XRCC5: variants seen among roughly 807,000 people sequenced by gnomAD.
XRCC5 encodes the protein X-ray repair cross complementing 5.
A neutral mutation model predicts 95.7 loss-of-function variants in XRCC5; 12 were observed. The observed-to-expected ratio is 0.13, with a 90% CI of 0.08 to 0.20. XRCC5 has a LOEUF of 0.20. Among genes scored for constraint, XRCC5 ranks in the 10% least tolerant of loss-of-function variants. XRCC5 has a pLI of 1.00. For missense variants in XRCC5, 595 were observed against 873.9 expected, an observed-to-expected ratio of 0.68 and a Z score of 4.02; for synonymous variants, 281 against 290.3, an observed-to-expected ratio of 0.97 and a Z score of 0.33.
At chr2:216,174,930 G>T (rs207933) in intron 16 of XRCC5, 4 of 343,478 alleles carry the variant, frequency 1.2e-5, no homozygotes, top group African/African-American at 8.7e-5. Context: ...CACGTCTACC[G>T]CCAGATCCGT....
At chr2:216,190,203 A>G (rs1574431757) in intron 16 of XRCC5, 22 bp from the exon 17 acceptor site, 2 of 1,606,972 alleles carry the variant, frequency 1.2e-6, no homozygotes, top group Non-Finnish European at 1.7e-6. Flanking sequence ...AATCTAAGAA[A>G]ATTTGTTGTC....
intron 14 of XRCC5, 100 bp downstream of exon 14, chr2:216,148,376 A>T: frequency 8.9e-7 from 1 of 1,123,608 alleles, no homozygotes; most frequent in Non-Finnish European, 1.2e-6. Context: ...TATGGAATTT[A>T]AAAGGTGAGA....
At chr2:216,125,214 T>C in intron 6 of XRCC5, among the ~76,000 whole-genome samples, 1 of 149,136 alleles carries the variant, frequency 6.7e-6, no homozygotes, top group East Asian at 1.9e-4. Context: ...TTTTTTTTTT[T>C]GAGACAAAGT....
At chr2:216,187,819 ACACTCTCTCTCTCTCTCTCT>A (rs1209029597) in intron 16 of XRCC5, among the ~76,000 whole-genome samples, 1 of 50,972 alleles carries the variant, frequency 2.0e-5, no homozygotes, top group African/African-American at 8.8e-5. Context: ...ACACACACAC[ACACTCTCTCTCTCTCTCTCT>A]CTCTCTCTCT....
intron 1 of XRCC5, among the ~76,000 whole-genome samples, chr2:216,109,909 CTG>C (rs1696555967): frequency 6.6e-6 from 1 of 152,188 alleles, no homozygotes; most frequent in African/African-American, 2.4e-5. Context: ...GAGGGACTAT[CTG>C]TGACTAAAAT....
chr2:216,136,818 G>A (rs925991615), intron 10 of XRCC5, among the ~76,000 whole-genome samples: 4 of 152,118 alleles, frequency 2.6e-5, no homozygotes, highest in African/African-American at 9.7e-5. Context: ...TGTTTAGGAG[G>A]GCTGACATGA....
intron 10 of XRCC5, 137 bp downstream of exon 10, chr2:216,132,524 A>C (rs898493466): frequency 3.6e-6 from 3 of 842,956 alleles, no homozygotes; most frequent in Non-Finnish European, 3.8e-6. Flanking sequence ...CTGATGTTTA[A>C]CTGAAAATGG....
chr2:216,134,516 C>T (rs577401352), intron 10 of XRCC5, among the ~76,000 whole-genome samples: 57 of 151,544 alleles, frequency 3.8e-4, no homozygotes, highest in Non-Finnish European at 6.9e-4. Context: ...TAACCCCTGC[C>T]TCCCGGGTTC....
chr2:216,138,150 T>G lies in XRCC5; in HGVS notation c.1313T>G (p.Leu438Trp). The G allele has an allele frequency of 6.2e-7, 1 of 1,613,476 alleles. No homozygotes were observed. The highest frequency in any genetic ancestry group is 8.5e-7 in the Non-Finnish European group (1 of 1,179,960). Reference protein sequence around the residue: ...EDLRQYMFSSLKNSKKYAPTE... With the variant: ...EDLRQYMFSSWKNSKKYAPTE... ...TTGCGGCAATACATGTTTTCATCCT[T>G]GAAAAACAGTAAGAAATATGCTCCC... The change falls in exon 12 of 21, where the codon TTG becomes TGG. Residue 438 changes from leucine (L) to tryptophan (W), a missense_variant. Physicochemically the swap from Leu to Trp is moderately conservative, Grantham distance 61. Transcript: ENST00000392132.
At chr2:216,177,275 A>G (rs1294986634) in intron 16 of XRCC5, among the ~76,000 whole-genome samples, 1 of 152,216 alleles carries the variant, frequency 6.6e-6, no homozygotes, top group Non-Finnish European at 1.5e-5. Context: ...CGTTTTGAGT[A>G]TTGAAAGTTA....
intron 5 of XRCC5, 44 bp from the exon 6 acceptor site, chr2:216,122,018 G>C: frequency 2.6e-6 from 4 of 1,509,804 alleles, no homozygotes; most frequent in Non-Finnish European, 3.6e-6. Flanking sequence ...ATGAGTTACA[G>C]TTACAGGATT....
intron 14 of XRCC5, among the ~76,000 whole-genome samples, chr2:216,157,272 C>CA (rs1350473838): frequency 8.0e-5 from 12 of 150,686 alleles, no homozygotes; most frequent in African/African-American, 2.9e-4. Flanking sequence ...GTCACTCTGT[C>CA]ACCCAGGCTG....
chr2:216,167,448 C>T (rs779024360), intron 16 of XRCC5, among the ~76,000 whole-genome samples: 2 of 152,048 alleles, frequency 1.3e-5, no homozygotes, highest in East Asian at 3.9e-4. Flanking sequence ...ATAGCACTAT[C>T]CCATTTGCAT....
intron 6 of XRCC5, among the ~76,000 whole-genome samples, chr2:216,122,586 C>CTT (rs1044453575): frequency 1.4e-5 from 2 of 146,124 alleles, no homozygotes; most frequent in Admixed American, 6.8e-5. Context: ...TTTTTGGGCC[C>CTT]TTTTTTTTTT....
At chr2:216,112,916 A>G (rs2105998068) in intron 1 of XRCC5, 100 bp from the exon 2 acceptor site, 1 of 897,992 alleles carries the variant, frequency 1.1e-6, no homozygotes, top group East Asian at 2.4e-5. Context: ...ACCTTTCCTA[A>G]ATACTGATAC....
At chr2:216,191,413 CT>C (rs1243143534) in intron 17 of XRCC5, among the ~76,000 whole-genome samples, 91 of 145,670 alleles carry the variant, frequency 6.2e-4, no homozygotes, top group Middle Eastern at 3.6e-3. Flanking sequence ...TTTTCTTTTC[CT>C]TTTTTTTTTT....
intron 19 of XRCC5, among the ~76,000 whole-genome samples, chr2:216,197,476 C>G (rs894502533): frequency 1.4e-5 from 2 of 147,702 alleles, no homozygotes; most frequent in Non-Finnish European, 3.0e-5. Flanking sequence ...AAAGACAACT[C>G]TCAAAACTTC....
In XRCC5 at chr2:216,187,786, G is replaced by GACACACACACACACACACAC. The variant is rs149998611; in HGVS notation, c.1835-2422_1835-2403dup. On this transcript the variant is annotated intron_variant, in intron 16 of 20. Transcript: ENST00000392132. ...AGTATCTGTGATGCCATGAACTCCTGACACACACACACACACACACACACA... is the reference window on the plus strand; with the variant it reads ...AGTATCTGTGATGCCATGAACTCCTGACACACACACACACACACACACACACACACACACACACACACACA... 9.1e-4 allele frequency among the ~76,000 whole-genome samples: 59 copies of GACACACACACACACACACAC among 64,522 alleles called. 1 individual carries two copies. The highest frequency in any genetic ancestry group is 3.2e-3 in the African/African-American group (32 of 9,952). The allele number at this position is 64,522 out of a possible 152,430, so 42.3% of individuals were successfully genotyped here. A position where few individuals can be genotyped will look rare whatever the true frequency, so the allele number is the denominator to read the frequency against.
intron 16 of XRCC5, among the ~76,000 whole-genome samples, chr2:216,165,472 G>T (rs993300613): frequency 6.6e-6 from 1 of 152,302 alleles, no homozygotes; most frequent in South Asian, 2.1e-4. Context: ...CTTGGCTTCC[G>T]TTTTATCCCT....
Sources: allele counts gnomAD v4.1 joint callset (sites outside exome capture counted in the v4.1 genomes callset), GRCh38; gene constraint gnomAD v4.1.1; transcripts MANE v1.5; gene names NCBI Gene and HGNC (gene_info 2026-07-23, HGNC 2026-07-21).